The following ANGPT1 variants were observed in gnomAD, a reference collection of about 807,000 sequenced individuals.
The protein encoded by ANGPT1 is angiopoietin-1.
Under a neutral mutation model 62.2 loss-of-function variants are expected in ANGPT1, and 17 were observed. That is an observed-to-expected ratio of 0.27 (90% CI 0.19 to 0.41). The LOEUF is 0.41. ANGPT1 is among the 10% of genes least tolerant of loss of function. The probability of loss-of-function intolerance (pLI) is 1.00; values close to 1 mark genes in which losing one functional copy is unlikely to be tolerated. For synonymous variants in ANGPT1, 199 were observed against 198.9 expected, an observed-to-expected ratio of 1.00 and a Z score of 0.00; for missense variants, 478 against 594.9, an observed-to-expected ratio of 0.80 and a Z score of 2.04.
intron 7 of ANGPT1, among the ~76,000 whole-genome samples, chr8:107,267,279 T>A (rs1813635430): frequency 6.6e-6 from 1 of 152,122 alleles, no homozygotes; most frequent in South Asian, 2.1e-4. Context: ...TCATTACATT[T>A]TTTTCTCTAA....
chr8:107,326,165 A>G (rs1815283735), intron 3 of ANGPT1, among the ~76,000 whole-genome samples: 1 of 152,154 alleles, frequency 6.6e-6, no homozygotes, highest in South Asian at 2.1e-4. Flanking sequence ...ATGTAATGTG[A>G]AAAAGAGACT....
intron 1 of ANGPT1, among the ~76,000 whole-genome samples, chr8:107,368,423 C>T (rs570457867): frequency 6.6e-6 from 1 of 151,590 alleles, no homozygotes; most frequent in African/African-American, 2.4e-5. Flanking sequence ...TTCTTAAGGA[C>T]CCTAGGATTT....
intron 4 of ANGPT1, among the ~76,000 whole-genome samples, chr8:107,312,451 T>C (rs943272232): frequency 6.6e-6 from 1 of 152,226 alleles, no homozygotes; most frequent in African/African-American, 2.4e-5. Flanking sequence ...GGAATGAAAG[T>C]CCTTGGGCAA....
chr8:107,380,643 T>C (rs532681822), intron 1 of ANGPT1, among the ~76,000 whole-genome samples: 3 of 152,170 alleles, frequency 2.0e-5, no homozygotes, highest in East Asian at 1.9e-4. Context: ...TTTCAACCAA[T>C]AGCATGCCAA....
At chr8:107,277,212 C>T (rs1813887432) in intron 7 of ANGPT1, among the ~76,000 whole-genome samples, 1 of 152,048 alleles carries the variant, frequency 6.6e-6, no homozygotes, top group African/African-American at 2.4e-5. Context: ...AAGTTAATAG[C>T]ATAAAAGACA....
chr8:107,372,959 AT>A (rs1296283862), intron 1 of ANGPT1, among the ~76,000 whole-genome samples: 2 of 152,024 alleles, frequency 1.3e-5, no homozygotes, highest in African/African-American at 2.4e-5. Context: ...ACACGAAATT[AT>A]TGTGAAGTAC....
intron 2 of ANGPT1, among the ~76,000 whole-genome samples, chr8:107,343,823 A>C (rs1815746384): frequency 6.6e-6 from 1 of 152,212 alleles, no homozygotes; most frequent in South Asian, 2.1e-4. Context: ...GCACTTTGGG[A>C]GGCCAAGGCA....
chr8:107,328,816 A>T (rs1815350908), intron 3 of ANGPT1, among the ~76,000 whole-genome samples: 1 of 151,980 alleles, frequency 6.6e-6, no homozygotes, highest in African/African-American at 2.4e-5. Context: ...AGGTACTCTT[A>T]GGGAGAAGGT....
intron 1 of ANGPT1, among the ~76,000 whole-genome samples, chr8:107,425,949 C>T (rs1811030746): frequency 6.6e-6 from 1 of 152,136 alleles, no homozygotes; most frequent in Non-Finnish European, 1.5e-5. Flanking sequence ...TGTGGGGCCC[C>T]AGGCTTATAC....
chr8:107,297,540 T>C (rs1221083419), intron 5 of ANGPT1, among the ~76,000 whole-genome samples: 1 of 148,996 alleles, frequency 6.7e-6, no homozygotes, highest in African/African-American at 2.4e-5. Flanking sequence ...TAATATTTAA[T>C]ATGTATATAA....
chr8:107,381,749 G>A (rs2436560), intron 1 of ANGPT1, among the ~76,000 whole-genome samples: 7,614 of 152,224 alleles, frequency 0.05, 228 homozygotes, highest in South Asian at 0.12. Flanking sequence ...TATGACAACT[G>A]TATACTGGGA....
intron 1 of ANGPT1, among the ~76,000 whole-genome samples, chr8:107,444,502 A>G (rs1811561600): frequency 6.6e-6 from 1 of 152,188 alleles, no homozygotes. Flanking sequence ...CCTCATTCTC[A>G]GTGAAACAAA....
chr8:107,416,911 G>C (rs915482332), intron 1 of ANGPT1, among the ~76,000 whole-genome samples: 1 of 151,350 alleles, frequency 6.6e-6, no homozygotes, highest in African/African-American at 2.4e-5. Flanking sequence ...CCCGCCTCAG[G>C]TTCCCCAGTA....
intron 1 of ANGPT1, among the ~76,000 whole-genome samples, chr8:107,422,217 G>A (rs1294521273): frequency 6.6e-6 from 1 of 152,132 alleles, no homozygotes; most frequent in East Asian, 1.9e-4. Flanking sequence ...CTGCTACAAT[G>A]TATTATGCAG....
intron 3 of ANGPT1, 46 bp downstream of exon 3, chr8:107,336,104 T>C (rs1239054232): frequency 1.3e-6 from 2 of 1,538,882 alleles, no homozygotes; most frequent in East Asian, 2.4e-5. Context: ...GTGAAGGATA[T>C]AAATAAGTAC....
chr8:107,460,923 C>A (rs543706918), intron 1 of ANGPT1, among the ~76,000 whole-genome samples: 2 of 152,166 alleles, frequency 1.3e-5, no homozygotes, highest in South Asian at 2.1e-4. Context: ...GGGGAGTAAT[C>A]AAAAATTATG....
chr8:107,295,746 A>G (rs1814397419), intron 5 of ANGPT1, among the ~76,000 whole-genome samples: 1 of 152,150 alleles, frequency 6.6e-6, no homozygotes, highest in African/African-American at 2.4e-5. Flanking sequence ...CAGATATCCA[A>G]AGAAAAAGTT....
At chr8:107,306,682 G>C (rs1330702169) in intron 4 of ANGPT1, among the ~76,000 whole-genome samples, 4 of 151,996 alleles carry the variant, frequency 2.6e-5, no homozygotes, top group Non-Finnish European at 4.4e-5. Context: ...AGGAGGTCTT[G>C]AGCTTCAGTT....
At chr8:107,297,751 G>A (rs1814451729) in intron 5 of ANGPT1, among the ~76,000 whole-genome samples, 1 of 141,016 alleles carries the variant, frequency 7.1e-6, no homozygotes, top group South Asian at 2.3e-4. Flanking sequence ...TATTATGTAT[G>A]CATATATATA....
Sources: gnomAD v4.1 joint callset for allele counts (sites outside exome capture counted in the v4.1 genomes callset) on GRCh38, gnomAD v4.1.1 for gene constraint, MANE v1.5 for transcripts, NCBI Gene and HGNC (gene_info 2026-07-23, HGNC 2026-07-21) for gene names.